UNC13C: variants seen among roughly 807,000 people sequenced by gnomAD.
UNC13C encodes the protein unc-13 homolog C, also known as protein unc-13 homolog C.
UNC13C carries 174 observed loss-of-function variants against 245.4 expected under a neutral mutation model. That is an observed-to-expected ratio of 0.71 (90% CI 0.63 to 0.80). The LOEUF (loss-of-function observed/expected upper bound fraction) is 0.80, where lower values mean the gene tolerates loss of function less well. UNC13C is among the 30% of genes least tolerant of loss of function. UNC13C has a pLI of 0.00. For missense variants in UNC13C, 2,829 were observed against 2,602.9 expected (o/e 1.09, Z -1.89); for synonymous variants, 992 against 895.1 (o/e 1.11, Z -1.93).
chr15:54,367,196 C>A (rs1000917993), intron 17 of UNC13C, among the ~76,000 whole-genome samples: 1 of 152,148 alleles, frequency 6.6e-6, no homozygotes, highest in Admixed American at 6.6e-5. Flanking sequence ...CCCCTACACA[C>A]TTTATATTCC....
intron 17 of UNC13C, among the ~76,000 whole-genome samples, chr15:54,365,479 A>T (rs1285644053): frequency 6.6e-6 from 1 of 152,090 alleles, no homozygotes; most frequent in African/African-American, 2.4e-5. Flanking sequence ...CACCCATGAA[A>T]CCATCACCAC....
intron 11 of UNC13C, among the ~76,000 whole-genome samples, 167 bp downstream of exon 11, chr15:54,294,231 A>G (rs1425885233): frequency 2.0e-5 from 3 of 152,032 alleles, no homozygotes; most frequent in Non-Finnish European, 2.9e-5. Flanking sequence ...TTCTTTTTTC[A>G]ATACTGTTGA....
rs576359461 is a variant in UNC13C at position 54,457,142 on chromosome 15, A to C, written c.4934-37466A>C. On this transcript the variant is annotated intron_variant, in intron 19 of 32. Coordinates refer to ENST00000260323, the MANE Select transcript of UNC13C (RefSeq NM_001080534.3). ...CTGTGTCTGTTGAGATGATCATATG[A>C]TTATTGTTTTTAATTCTGTTTATGT... Among the ~76,000 whole-genome samples, 5 of 152,132 alleles carry C rather than the reference A, an allele frequency of 3.3e-5. No individual in the cohort carries two copies. In the East Asian group the frequency reaches 9.7e-4, roughly 29 times the overall value.
chr15:54,375,298 T>G (rs1175280445), intron 17 of UNC13C, among the ~76,000 whole-genome samples: 2 of 152,180 alleles, frequency 1.3e-5, no homozygotes, highest in Non-Finnish European at 2.9e-5. Context: ...AAACTTGGAT[T>G]TTTTAATATC....
chr15:54,186,054 T>G (rs2033971274), intron 4 of UNC13C, among the ~76,000 whole-genome samples: 2 of 151,734 alleles, frequency 1.3e-5, no homozygotes, highest in South Asian at 2.1e-4. Flanking sequence ...AGTTCACTCA[T>G]GATTTGGCTC....
At chr15:53,851,751 C>T in the UNC13C span, among the ~76,000 whole-genome samples, 3 of 152,100 alleles carry the variant, frequency 2.0e-5, no homozygotes, top group South Asian at 2.1e-4. Context: ...CGTGGTTGTC[C>T]ATCGTTCAAT....
chr15:54,538,544 C>T (rs574653458), intron 26 of UNC13C, among the ~76,000 whole-genome samples: 42 of 152,064 alleles, frequency 2.8e-4, no homozygotes, highest in African/African-American at 9.4e-4. Flanking sequence ...CACATGCATG[C>T]GTATGTTCAT....
intron 19 of UNC13C, among the ~76,000 whole-genome samples, chr15:54,432,991 C>G (rs1376738294): frequency 6.6e-6 from 1 of 151,982 alleles, no homozygotes; most frequent in Non-Finnish European, 1.5e-5. Context: ...ACTAGAAAAT[C>G]TAGAAGAAAT....
intron 19 of UNC13C, among the ~76,000 whole-genome samples, chr15:54,419,156 C>T (rs899835788): frequency 2.6e-5 from 4 of 152,128 alleles, no homozygotes; most frequent in African/African-American, 9.7e-5. Flanking sequence ...TCTACTAAAT[C>T]ACTTTGTTAT....
At chr15:54,309,212 G>A (rs1428333321) in intron 13 of UNC13C, among the ~76,000 whole-genome samples, 1 of 151,716 alleles carries the variant, frequency 6.6e-6, no homozygotes, top group South Asian at 2.1e-4. Flanking sequence ...TAGGAGTGAG[G>A]TGATAGCTTA....
intron 18 of UNC13C, among the ~76,000 whole-genome samples, chr15:54,402,201 G>T (rs574138): frequency 6.6e-6 from 1 of 151,736 alleles, no homozygotes; most frequent in African/African-American, 2.4e-5. Context: ...CAGATCTGTT[G>T]TAAAAATCTA....
chr15:54,407,921 G>A (rs1292209475), intron 18 of UNC13C, among the ~76,000 whole-genome samples: 2 of 151,982 alleles, frequency 1.3e-5, no homozygotes, highest in African/African-American at 4.8e-5. Flanking sequence ...AAAAGAATGG[G>A]CGGGGTGCGG....
At chr15:53,917,603 A>G in the UNC13C span, among the ~76,000 whole-genome samples, 1 of 152,166 alleles carries the variant, frequency 6.6e-6, no homozygotes, top group Non-Finnish European at 1.5e-5. Flanking sequence ...CTCAGTGGTA[A>G]TTCAGACCTT....
intron 1 of UNC13C, among the ~76,000 whole-genome samples, chr15:53,989,465 T>A (rs1894287541): frequency 6.6e-6 from 1 of 152,020 alleles, no homozygotes; most frequent in Non-Finnish European, 1.5e-5. Context: ...AGCAGGGCAG[T>A]GGCCTTAATT....
At chr15:54,238,084 T>TTG (rs1364365660) in intron 7 of UNC13C, among the ~76,000 whole-genome samples, 1 of 147,424 alleles carries the variant, frequency 6.8e-6, no homozygotes, top group Non-Finnish European at 1.5e-5. Context: ...AGGTTTTTTT[T>TTG]TTTTTTTTTT....
chr15:54,018,732 C>T (rs1484343651), intron 2 of UNC13C, among the ~76,000 whole-genome samples: 2 of 152,164 alleles, frequency 1.3e-5, no homozygotes, highest in Admixed American at 6.5e-5. Context: ...TTCCCATGTA[C>T]TTGCCTCTTA....
At chr15:54,044,266 T>TACAGAAATAC (rs1896936279) in intron 2 of UNC13C, among the ~76,000 whole-genome samples, 1 of 152,240 alleles carries the variant, frequency 6.6e-6, no homozygotes, top group African/African-American at 2.4e-5. Flanking sequence ...TCATTCCTTT[T>TACAGAAATAC]TGTGCCTGAG....
intron 26 of UNC13C, among the ~76,000 whole-genome samples, chr15:54,536,250 A>G (rs1895977004): frequency 6.6e-6 from 1 of 152,042 alleles, no homozygotes; most frequent in Non-Finnish European, 1.5e-5. Context: ...ATAAATTCCC[A>G]GAAACATACA....
chr15:53,938,258 A>T, the UNC13C span, among the ~76,000 whole-genome samples: 1 of 152,192 alleles, frequency 6.6e-6, no homozygotes, highest in South Asian at 2.1e-4. Flanking sequence ...TAAACCAATA[A>T]AGATAAAAAA....
Sources: allele counts gnomAD v4.1 joint callset (sites outside exome capture counted in the v4.1 genomes callset), GRCh38; gene constraint gnomAD v4.1.1; transcripts MANE v1.5; gene names NCBI Gene and HGNC (gene_info 2026-07-23, HGNC 2026-07-21).